Variants in DYNC1H1 observed in about 807,000 individuals in gnomAD.
DYNC1H1 encodes the protein dynein cytoplasmic 1 heavy chain 1.
In DYNC1H1, 51 loss-of-function variants were observed where a neutral mutation model predicts 527.1. That is an observed-to-expected ratio of 0.10 (90% CI 0.08 to 0.12). The LOEUF is 0.12. DYNC1H1 is among the 10% of genes least tolerant of loss of function. The pLI, the probability that DYNC1H1 is intolerant of heterozygous loss-of-function variation, is 1.00. For missense variants in DYNC1H1, 2,771 were observed against 5,971.8 expected (o/e 0.46, Z 17.66); for synonymous variants, 2,189 against 2,278.8 (o/e 0.96, Z 1.12).
In DYNC1H1 at chr14:102,001,704, C is replaced by T; in HGVS notation, c.4542+23C>T. The T allele has an allele frequency of 1.2e-6, 2 of 1,613,574 alleles. No homozygotes were observed. The highest frequency in any genetic ancestry group is 2.2e-5 in the East Asian group (1 of 44,886). ...AAGGTGCTGTTGCTGGGGAAGCTTT[C>T]CCTCCCCACCAGTGGTCTCCCACGC... On this transcript the variant is annotated intron_variant, in intron 21 of 77. Coordinates refer to ENST00000360184, the MANE Select transcript of DYNC1H1 (RefSeq NM_001376.5). This position sits in a 1 kb window ranked among gnomAD's most constrained non-coding sequence, Gnocchi z 5.0.
chr14:102,003,318 G>A lies in DYNC1H1; in HGVS notation c.4883+353G>A, dbSNP rs534619642. Among the ~76,000 whole-genome samples, 18 of 149,654 alleles carry A rather than the reference G, an allele frequency of 1.2e-4. No homozygotes were observed. The South Asian group carries it at 3.0e-3, about 25-fold the overall frequency. On this transcript the variant is annotated intron_variant, in intron 23 of 77. Transcript: ENST00000360184. The stretch of plus-strand genomic sequence containing the variant: ...TGCTCTGTCGCCCAGGCTGGAGCAC[G>A]TGGTGCCATCTCGGCTCACTGCAAC...
Position 101,999,994 on chromosome 14 carries a change from C to A in DYNC1H1, c.3810C>A (p.Asn1270Lys), listed in dbSNP as rs1449370459. 6.2e-7 allele frequency: 1 copy of A among 1,614,192 alleles called. No individual in the cohort carries two copies. ...TGTGCTCTGACTGCTTTCAGGGCAA[C>A]CTTCGCCCAGAAGAGGCACTTCAGG... ...DWEKTKPVTG[N>K]LRPEEALQAL... Residue 1270 changes from asparagine to lysine, a missense_variant, in exon 17 of 78, where the codon AAC becomes AAA. Asn to Lys is a moderately conservative substitution (Grantham distance 94, BLOSUM62 0). Transcript: ENST00000360184.
intron 1 of DYNC1H1, among the ~76,000 whole-genome samples, chr14:101,967,131 CTGTT>C (rs2047678033): frequency 6.6e-6 from 1 of 152,100 alleles, no homozygotes; most frequent in African/African-American, 2.4e-5. Flanking sequence ...GATAGATGGT[CTGTT>C]TGTCTTATTA....
In DYNC1H1 at chr14:102,029,446, A is replaced by T. The variant is rs895277822; in HGVS notation, c.9469-93A>T. The T allele has an allele frequency of 5.8e-6, 9 of 1,556,984 alleles. No individual in the cohort carries two copies. The highest frequency in any genetic ancestry group is 1.8e-5 in the Admixed American group (1 of 56,630). ...CCCCGAGGGCCAGGCTCCTTCTATC[A>T]TGTCACACCCATCTGCCAAGGCCAA... On this transcript the variant is annotated intron_variant, in intron 48 of 77. Transcript: ENST00000360184. This position sits in a 1 kb window ranked among gnomAD's most constrained non-coding sequence, Gnocchi z 5.3.
chr14:101,969,154 ACTACAGGCG>A (rs1463178116), intron 1 of DYNC1H1, among the ~76,000 whole-genome samples: 1 of 150,180 alleles, frequency 6.7e-6, no homozygotes, highest in African/African-American at 2.5e-5. Context: ...AGTAGCTGGG[ACTACAGGCG>A]CCTGCCACCA....
rs2047646277 is a variant in DYNC1H1, at chr14:101,964,868, G to A, written c.177G>A (p.Lys59=). 1 of 1,596,788 alleles carries A rather than the reference G, an allele frequency of 6.3e-7. No individual in the cohort carries two copies. The highest frequency in any genetic ancestry group is 1.3e-5 in the African/African-American group (1 of 74,804). The change falls in exon 1 of 78, where the codon AAG becomes AAA. Residue 59 remains lysine, a synonymous_variant. Transcript: ENST00000360184. The surrounding 1 kb of genome is among the most constrained non-coding windows in gnomAD (Gnocchi z 5.5). ...PAALEAALEE[K]SALEQMRKFL... The stretch of plus-strand genomic sequence containing the variant: ...CGCTGGAGGCGGCGCTGGAGGAGAA[G>A]AGCGCCCTGGAGCAGATGCGCAAGT...
chr14:102,043,860 C>T lies in DYNC1H1; in HGVS notation c.12514-15C>T. The T allele has an allele frequency of 1.2e-6, 2 of 1,614,128 alleles. No homozygotes were observed. The highest frequency in any genetic ancestry group is 1.7e-6 in the Non-Finnish European group (2 of 1,180,038). On this transcript the variant is annotated splice_polypyrimidine_tract_variant and intron_variant, in intron 69 of 77. Coordinates refer to ENST00000360184, the MANE Select transcript of DYNC1H1 (RefSeq NM_001376.5). ...GTTTTCTAATGACTCTGTGCTTGGT[C>T]ACTTTCCTCACCAGTCTCCCAACGA... is the stretch of plus-strand genomic sequence containing the variant.
Position 101,965,944 on chromosome 14 carries a change from TGCCTGCAG to T in DYNC1H1, c.256+1000_256+1007del, listed in dbSNP as rs1433770799. Among the ~76,000 whole-genome samples the T allele has an allele frequency of 2.0e-5, 3 of 152,308 alleles. No individual in the cohort carries two copies. The highest frequency in any genetic ancestry group is 1.5e-5 in the Non-Finnish European group (1 of 68,020). On this transcript the variant is annotated intron_variant, in intron 1 of 77. Coordinates refer to ENST00000360184, the MANE Select transcript of DYNC1H1 (RefSeq NM_001376.5). The surrounding 1 kb of genome is among the most constrained non-coding windows in gnomAD (Gnocchi z 4.1). ...GTTACATTCATCTAAGTCTGGGGCT[TGCCTGCAG>T]GCAGGCTTTCTCATGGATTCATTAC...
chr14:102,045,174 G>T (rs1342514243), intron 72 of DYNC1H1: 1 of 222,722 alleles, frequency 4.5e-6, no homozygotes, highest in Admixed American at 5.2e-5. Flanking sequence ...ATGGTGGCAG[G>T]CACCTGTAAT....
intron 5 of DYNC1H1, among the ~76,000 whole-genome samples, chr14:101,981,732 A>G (rs2047867016): frequency 6.6e-6 from 1 of 152,138 alleles, no homozygotes; most frequent in Non-Finnish European, 1.5e-5. Flanking sequence ...GTATACTTTG[A>G]TTTTTTTAAC....
At chr14:101,967,385 G>A (rs898097575) in intron 1 of DYNC1H1, among the ~76,000 whole-genome samples, 2 of 152,220 alleles carry the variant, frequency 1.3e-5, no homozygotes, top group Admixed American at 6.5e-5. Flanking sequence ...TTAATGAACA[G>A]TAGAAATTAC....
rs1259160193 is a variant in DYNC1H1, at chr14:102,033,880, A to G, written c.10414-96A>G. On this transcript the variant is annotated intron_variant, in intron 54 of 77. Transcript: ENST00000360184. The surrounding 1 kb of genome is among the most constrained non-coding windows in gnomAD (Gnocchi z 5.6). ...CTTGGGCACGTTTCTAACCCACCCA[A>G]AACCCTGCACATAATGTGGATGAAC... 3 of 1,420,182 alleles carry G rather than the reference A, an allele frequency of 2.1e-6. No homozygotes were observed. Among genetic ancestry groups the G allele is most frequent in the Non-Finnish European group, 2.9e-6 (3 of 1,023,842 alleles). The allele number at this position is 1,420,182 out of a possible 1,614,324, so 88.0% of individuals were successfully genotyped here.
rs543355423 is a variant in DYNC1H1, at chr14:101,975,243, A to G, written c.257-469A>G. Among the ~76,000 whole-genome samples the G allele has an allele frequency of 6.6e-5, 10 of 152,356 alleles. No individual in the cohort carries two copies. The South Asian group carries it at 1.2e-3, about 19-fold the overall frequency. Reference sequence around the variant, plus strand: ...ACACCAACCCCATAGGGTTAAATGTATGATAGCTGTAAAGTGCTTAGTAAA... The same window carrying G: ...ACACCAACCCCATAGGGTTAAATGTGTGATAGCTGTAAAGTGCTTAGTAAA... On this transcript the variant is annotated intron_variant, in intron 1 of 77. Transcript: ENST00000360184.
At chr14:101,972,500 G>A (rs1025610617) in intron 1 of DYNC1H1, among the ~76,000 whole-genome samples, 1 of 152,214 alleles carries the variant, frequency 6.6e-6, no homozygotes, top group African/African-American at 2.4e-5. Context: ...GTCATTGGGT[G>A]TGCCTTCCTG....
In DYNC1H1 at chr14:102,001,602, G is replaced by A. The variant is rs2141286170; in HGVS notation, c.4463G>A (p.Arg1488His). ...TATCAGAACAAGTGCCGCTTGATCC[G>A]TGGCTGGGATGACCTCTTCAACAAG... ...VNYQNKCRLI[R>H]GWDDLFNKVK... The change falls in exon 21 of 78, where the codon CGT becomes CAT. Residue 1488 changes from arginine (R) to histidine (H), a missense_variant. Arg to His is a conservative substitution (Grantham distance 29). Transcript: ENST00000360184. The surrounding 1 kb of genome is among the most constrained non-coding windows in gnomAD (Gnocchi z 5.0). 6.2e-7 allele frequency: 1 copy of A among 1,614,140 alleles called. No homozygotes were observed. Among genetic ancestry groups the A allele is most frequent in the Non-Finnish European group, 8.5e-7 (1 of 1,180,020 alleles).
intron 57 of DYNC1H1, chr14:102,037,423 CAA>C (rs71305087): frequency 3.4e-4 from 23 of 68,154 alleles, no homozygotes; most frequent in Admixed American, 8.0e-4. Flanking sequence ...GACTCCATCT[CAA>C]AAAAAAAAAA....
chr14:102,026,820 C>G, intron 44 of DYNC1H1, 113 bp downstream of exon 44: 1 of 1,464,338 alleles, frequency 6.8e-7, no homozygotes, highest in South Asian at 1.2e-5. Context: ...CCTCAGCCTT[C>G]TCCACCAAGC....
At chr14:101,988,210 C>T (rs543930786) in intron 9 of DYNC1H1, among the ~76,000 whole-genome samples, 24 of 152,304 alleles carry the variant, frequency 1.6e-4, no homozygotes, top group African/African-American at 5.8e-4. Flanking sequence ...ATTTGTCCTT[C>T]CTTGCTTTCC....
chr14:102,013,269 AAAAG>A (rs1288973880), intron 34 of DYNC1H1, among the ~76,000 whole-genome samples: 3 of 151,602 alleles, frequency 2.0e-5, no homozygotes, highest in African/African-American at 4.8e-5. Context: ...AAAAAAAAAA[AAAAG>A]GCAGGAAGAC....
Sources: gnomAD v4.1 joint callset for allele counts (sites outside exome capture counted in the v4.1 genomes callset) on GRCh38, gnomAD v4.1.1 for gene constraint, Gnocchi (gnomAD v3.1) non-coding constraint, MANE v1.5 for transcripts, NCBI Gene and HGNC (gene_info 2026-07-23, HGNC 2026-07-21) for gene names.